The following EIF3L variants were observed in gnomAD, a reference collection of about 807,000 sequenced individuals.
The protein encoded by EIF3L is eukaryotic translation initiation factor 3 subunit L.
EIF3L carries 32 observed loss-of-function variants against 74.6 expected under a neutral mutation model. The ratio of observed to expected loss-of-function variants is 0.43; its 90% CI spans 0.32 to 0.58. The LOEUF (loss-of-function observed/expected upper bound fraction) is 0.58. EIF3L is among the 20% of genes least tolerant of loss of function. The probability of loss-of-function intolerance (pLI) is 0.06; values close to 1 mark genes in which losing one functional copy is unlikely to be tolerated. For synonymous variants in EIF3L, 256 were observed against 254.4 expected (o/e 1.01, Z -0.06); for missense variants, 474 against 707.8 (o/e 0.67, Z 3.75).
intron 1 of EIF3L, chr22:37,849,812 C>G (rs1005969021): frequency 5.2e-5 from 33 of 631,172 alleles, no homozygotes; most frequent in Admixed American, 8.7e-5. Context: ...GTCCTTTGCT[C>G]CACCTCATTG....
intron 8 of EIF3L, among the ~76,000 whole-genome samples, chr22:37,873,250 A>C (rs1043815769): frequency 2.0e-5 from 3 of 151,260 alleles, no homozygotes; most frequent in African/African-American, 7.3e-5. Context: ...CGGCCTCCCA[A>C]AATGCTAGGA....
chr22:37,870,484 C>G, intron 8 of EIF3L, 137 bp downstream of exon 8: 1 of 821,352 alleles, frequency 1.2e-6, no homozygotes, highest in South Asian at 2.0e-5. Flanking sequence ...TTTGTAGGTG[C>G]TTGAGTACAA....
At chr22:37,878,399 G>T (rs1190078258) in intron 11 of EIF3L, 7 of 281,990 alleles carry the variant, frequency 2.5e-5, no homozygotes, top group Non-Finnish European at 3.9e-5. Flanking sequence ...GGGCAACGTA[G>T]TGAGACCTTT....
chr22:37,857,434 GATTT>G (rs1325876990), intron 4 of EIF3L, among the ~76,000 whole-genome samples: 4 of 148,314 alleles, frequency 2.7e-5, no homozygotes, highest in African/African-American at 7.4e-5. Context: ...GGATGTCTTT[GATTT>G]ATTTAGGTCT....
At chr22:37,851,818 A>G (rs1400076425) in intron 3 of EIF3L, among the ~76,000 whole-genome samples, 2 of 152,140 alleles carry the variant, frequency 1.3e-5, no homozygotes, top group Non-Finnish European at 1.5e-5. Flanking sequence ...GGCATGTGCC[A>G]CCATGCCTAG....
At chr22:37,870,461 G>T in intron 8 of EIF3L, 114 bp downstream of exon 8, 1 of 1,075,520 alleles carries the variant, frequency 9.3e-7, no homozygotes, top group Non-Finnish European at 1.3e-6. Context: ...CTTAGGTGGT[G>T]GTCTGTTGAC....
rs777024677 is a variant in EIF3L, at chr22:37,878,121, C to T, written c.1525C>T (p.Leu509=). Reference sequence around the variant, plus strand: ...CGTGTGGACCAGCGGTATCTCAGCCCTGGATGGTGAATTTCAGTCAGCCTC... The same window carrying T: ...CGTGTGGACCAGCGGTATCTCAGCCTTGGATGGTGAATTTCAGTCAGCCTC... The part of the protein sequence containing the change: ...NLVWTSGISA[L]DGEFQSASEV... Residue 509 remains leucine (L), a synonymous_variant, in exon 11 of 13, where the codon CTG becomes TTG. Transcript: ENST00000652021. The T allele has an allele frequency of 2.2e-5, 35 of 1,613,704 alleles. No individual in the cohort carries two copies. The highest frequency in any genetic ancestry group is 2.7e-5 in the Non-Finnish European group (32 of 1,179,838).
At chr22:37,874,714 C>G (rs1317080309) in intron 9 of EIF3L, among the ~76,000 whole-genome samples, 190 bp downstream of exon 9, 1 of 151,912 alleles carries the variant, frequency 6.6e-6, no homozygotes, top group Non-Finnish European at 1.5e-5. Flanking sequence ...TGGTAGTTAA[C>G]AACAGTTTTT....
chr22:37,863,216 A>G (rs1164718356), intron 6 of EIF3L, 56 bp from the exon 7 acceptor site: 4 of 1,459,738 alleles, frequency 2.7e-6, no homozygotes, highest in Non-Finnish European at 3.8e-6. Flanking sequence ...TCTGCAGCCT[A>G]CAGAATGGGC....
At chr22:37,871,632 C>A (rs1926474046) in intron 8 of EIF3L, among the ~76,000 whole-genome samples, 1 of 152,096 alleles carries the variant, frequency 6.6e-6, no homozygotes. Flanking sequence ...TTTTGGGAGG[C>A]TGAGGCGGGC....
intron 11 of EIF3L, chr22:37,885,312 C>G (rs1927263128): frequency 1.3e-5 from 2 of 152,114 alleles, no homozygotes; most frequent in African/African-American, 4.8e-5. Flanking sequence ...AATTACCAGC[C>G]TAGCTATTCT....
At chr22:37,875,155 G>A (rs1257801551) in intron 9 of EIF3L, among the ~76,000 whole-genome samples, 1 of 151,094 alleles carries the variant, frequency 6.6e-6, no homozygotes, top group African/African-American at 2.4e-5. Flanking sequence ...GATTACTTGA[G>A]GTCAGGAGTT....
At chr22:37,855,764 G>A in intron 4 of EIF3L, 120 bp downstream of exon 4, 1 of 774,786 alleles carries the variant, frequency 1.3e-6, no homozygotes, top group East Asian at 2.7e-5. Context: ...TTGGTGCTTG[G>A]TATGTAGTAG....
chr22:37,855,769 T>A, intron 4 of EIF3L, 125 bp downstream of exon 4: 1 of 716,458 alleles, frequency 1.4e-6, no homozygotes, highest in Non-Finnish European at 2.3e-6. Context: ...GCTTGGTATG[T>A]AGTAGGTCCT....
At chr22:37,851,120 G>A (rs1925190924) in intron 2 of EIF3L, among the ~76,000 whole-genome samples, 160 bp from the exon 3 acceptor site, 2 of 152,148 alleles carry the variant, frequency 1.3e-5, no homozygotes, top group African/African-American at 4.8e-5. Flanking sequence ...AAGAAACAGG[G>A]ACAACGAGAT....
chr22:37,867,149 C>T (rs1052372259), intron 7 of EIF3L, among the ~76,000 whole-genome samples: 1 of 152,076 alleles, frequency 6.6e-6, no homozygotes, highest in Non-Finnish European at 1.5e-5. Context: ...GCAATCCCCC[C>T]ACCTTAGCCT....
At chr22:37,862,093 C>T (rs1466758994) in intron 5 of EIF3L, among the ~76,000 whole-genome samples, 1 of 152,220 alleles carries the variant, frequency 6.6e-6, no homozygotes, top group African/African-American at 2.4e-5. Context: ...ACTTCAGCCT[C>T]CCAGAGTGTT....
At chr22:37,868,769 A>G (rs947542637) in intron 7 of EIF3L, among the ~76,000 whole-genome samples, 2 of 149,884 alleles carry the variant, frequency 1.3e-5, no homozygotes, top group African/African-American at 4.9e-5. Flanking sequence ...CAGCCTCCCG[A>G]GTAGCTGGGA....
At chr22:37,862,832 C>A in intron 5 of EIF3L, 137 bp from the exon 6 acceptor site, 1 of 635,806 alleles carries the variant, frequency 1.6e-6, no homozygotes, top group Non-Finnish European at 2.7e-6. Flanking sequence ...TTCCCTCTCA[C>A]TTGCATATTT....
Sources: allele counts gnomAD v4.1 joint callset (sites outside exome capture counted in the v4.1 genomes callset), GRCh38; gene constraint gnomAD v4.1.1; transcripts MANE v1.5; gene names NCBI Gene and HGNC (gene_info 2026-07-23, HGNC 2026-07-21).